The following CDK10 variants were observed in gnomAD, a reference collection of about 807,000 sequenced individuals.
CDK10 encodes cyclin dependent kinase 10.
In CDK10, 55 loss-of-function variants were observed where a neutral mutation model predicts 51.0. The observed-to-expected ratio is 1.08, with a 90% confidence interval of 0.87 to 1.35. The LOEUF is 1.35. CDK10 is among the 40% of genes most tolerant of loss of function. The probability of loss-of-function intolerance (pLI) is 0.00; values close to 1 mark genes in which losing one functional copy is unlikely to be tolerated. For missense variants in CDK10, 589 were observed against 485.1 expected, an observed-to-expected ratio of 1.21 and a Z score of -2.01; for synonymous variants, 255 against 199.1, an observed-to-expected ratio of 1.28 and a Z score of -2.36.
chr16:89,689,388 G>C, intron 2 of CDK10, 64 bp downstream of exon 2: 1 of 1,463,176 alleles, frequency 6.8e-7, no homozygotes, highest in Non-Finnish European at 9.6e-7. Flanking sequence ...GGACGAGACT[G>C]TCGAAGCAGC....
intron 2 of CDK10, 124 bp from the exon 3 acceptor site, chr16:89,690,429 G>A: frequency 1.3e-6 from 1 of 771,956 alleles, no homozygotes; most frequent in African/African-American, 1.7e-5. Context: ...GAGTGTCACT[G>A]GGCATGAGGT....
chr16:89,691,707 AGGTTG>A (rs1803338358), intron 4 of CDK10, 94 bp from the exon 5 acceptor site: 18 of 1,312,004 alleles, frequency 1.4e-5, no homozygotes, highest in Non-Finnish European at 2.0e-5. Context: ...AGGGGGACAC[AGGTTG>A]TCCTGCCCAT....
chr16:89,688,230 C>T (rs1316255687), intron 1 of CDK10, among the ~76,000 whole-genome samples: 1 of 151,924 alleles, frequency 6.6e-6, no homozygotes, highest in Non-Finnish European at 1.5e-5. Context: ...TACAGGCGCC[C>T]GCCACCACGC....
chr16:89,687,945 C>A, intron 1 of CDK10: 1 of 253,750 alleles, frequency 3.9e-6, no homozygotes, highest in East Asian at 1.1e-4. Context: ...CGGCCAGTGG[C>A]TCACACCTGT....
In CDK10 at chr16:89,694,590, A is replaced by C; in HGVS notation, c.669-75A>C. Reference sequence around the variant, plus strand: ...GCAGGGTCAGCAAAGGTCTGGCTGCAGTCAGGTCCTCTGTTCCTCGCGCTG... The same window carrying C: ...GCAGGGTCAGCAAAGGTCTGGCTGCCGTCAGGTCCTCTGTTCCTCGCGCTG... On this transcript the variant is annotated intron_variant, in intron 9 of 12. Transcript: ENST00000353379. The C allele has an allele frequency of 1.9e-6, 3 of 1,543,516 alleles. No homozygotes were observed. The South Asian group carries it at 3.6e-5, about 18-fold the overall frequency.
At chr16:89,693,607 C>G (rs1567521318) in intron 8 of CDK10, 140 bp downstream of exon 8, 1 of 796,320 alleles carries the variant, frequency 1.3e-6, no homozygotes, top group Non-Finnish European at 2.0e-6. Flanking sequence ...AACGTTGGGT[C>G]TAGGACAGCC....
intron 1 of CDK10, chr16:89,687,241 AC>A (rs1453766466): frequency 3.0e-6 from 1 of 330,178 alleles, no homozygotes; most frequent in Non-Finnish European, 6.1e-6. Flanking sequence ...TGGCGGCTTC[AC>A]GCGAACCCTG....
rs1336642422 is a variant in CDK10 at position 89,691,664 on chromosome 16, C to T, written c.335+119C>T. ...ATGAGGTTGTCAGAGAAGAGATGAC[C>T]CCACCTCACCGCCTGGCTCAGCCCA... On this transcript the variant is annotated intron_variant, in intron 4 of 12. Transcript: ENST00000353379. 6.7e-6 allele frequency: 8 copies of T among 1,192,344 alleles called. 1 individual carries two copies. Among genetic ancestry groups the T allele is most frequent in the Non-Finnish European group, 9.9e-6 (8 of 812,102 alleles). The allele number at this position is 1,192,344 out of a possible 1,614,324, so 73.9% of individuals were successfully genotyped here.
chr16:89,688,687 C>T (rs1368302057), intron 1 of CDK10, among the ~76,000 whole-genome samples: 1 of 152,200 alleles, frequency 6.6e-6, no homozygotes, highest in Non-Finnish European at 1.5e-5. Flanking sequence ...GATGCTGGGA[C>T]AGCAGCCTCT....
rs1225850971 is a variant in CDK10, at chr16:89,693,742, T to C, written c.608+275T>C. The C allele has an allele frequency of 5.3e-6, 3 of 566,808 alleles. No individual in the cohort carries two copies. The East Asian group carries it at 8.9e-5, about 17-fold the overall frequency. 35.1% of individuals were successfully genotyped at this position (566,808 alleles called of 1,614,324 possible). A position where few individuals can be genotyped will look rare whatever the true frequency, so the allele number is the denominator to read the frequency against. On this transcript the variant is annotated intron_variant, in intron 8 of 12. Transcript: ENST00000353379. ...AACACCGTGGCCGTGAAACCATCTC[T>C]GGAGGGAAGGCTGCTTCACGGACTG...
At position 89,692,832 on chromosome 16, in the gene CDK10, A is replaced by G. The variant is rs114999605; in HGVS notation, c.485+316A>G. On this transcript the variant is annotated intron_variant, in intron 6 of 12. Transcript: ENST00000353379. ...CATCAACAGCATGTAAGAGTTAATG[A>G]AAAAAAAAATAATAAAGATACTACG... is the stretch of plus-strand genomic sequence containing the variant. The G allele has an allele frequency of 1.7e-5, 4 of 235,048 alleles. No homozygotes were observed. In the South Asian group the frequency reaches 3.7e-4, roughly 22 times the overall value. The allele number at this position is 235,048 out of a possible 1,614,324, so 14.6% of individuals were successfully genotyped here.
intron 1 of CDK10, among the ~76,000 whole-genome samples, chr16:89,688,597 A>T (rs2060306053): frequency 6.6e-6 from 1 of 152,164 alleles, no homozygotes; most frequent in African/African-American, 2.4e-5. Context: ...CCTGGAAGTC[A>T]CACGGTCCCT....
chr16:89,690,772 C>G, intron 3 of CDK10, 148 bp downstream of exon 3: 2 of 714,692 alleles, frequency 2.8e-6, no homozygotes, highest in South Asian at 1.6e-5. Flanking sequence ...CACATCACCC[C>G]CAGGTCCACA....
Position 89,693,384 on chromosome 16 carries a change from CCT to C in CDK10, c.539-9_539-8del, listed in dbSNP as rs762886100. 2.4e-5 allele frequency: 38 copies of C among 1,614,058 alleles called. No individual in the cohort carries two copies. The highest frequency in any genetic ancestry group is 3.1e-5 in the Non-Finnish European group (37 of 1,180,034). On this transcript the variant is annotated splice_polypyrimidine_tract_variant and intron_variant, in intron 7 of 12. Coordinates refer to ENST00000353379, the MANE Select transcript of CDK10 (RefSeq NM_052988.5). ...GATGGCACTTGGTGACACACACTCC[CCT>C]CTCTGCTGCAGCGGATTTCGGCCTG... is the stretch of plus-strand genomic sequence containing the variant.
intron 3 of CDK10, 38 bp from the exon 4 acceptor site, chr16:89,691,405 A>C (rs1409927808): frequency 6.7e-7 from 1 of 1,502,306 alleles, no homozygotes; most frequent in Admixed American, 1.8e-5. Flanking sequence ...CCCCGCCATC[A>C]CTGGGGTGGG....
In CDK10 at chr16:89,691,878, G is replaced by A. The variant is rs773645293; in HGVS notation, c.408G>A (p.Ser136=). The A allele has an allele frequency of 8.7e-6, 14 of 1,613,918 alleles. No individual in the cohort carries two copies. Among genetic ancestry groups the A allele is most frequent in the African/African-American group, 8.0e-5 (6 of 74,920 alleles). The change falls in exon 5 of 13, where the codon TCG becomes TCA. Residue 136 remains serine, a synonymous_variant. Transcript: ENST00000353379. The stretch of plus-strand genomic sequence containing the variant: ...TGGAGAATATGCCAACACCCTTCTC[G>A]GAGGCTCAGGTGCGTGGCAGAGGGG... ...SLLENMPTPF[S]EAQVKCIVLQ... is the part of the protein sequence containing the mutation.
At chr16:89,694,000 C>T in intron 8 of CDK10, 173 bp from the exon 9 acceptor site, 1 of 664,510 alleles carries the variant, frequency 1.5e-6, no homozygotes, top group Non-Finnish European at 2.7e-6. Context: ...GCTCTCGCCC[C>T]CGGCAACCAT....
In CDK10 at chr16:89,693,469, T is replaced by G; in HGVS notation, c.608+2T>G. ...GACCCCCAAGGTGGTCACTCTCTGG[T>G]AAGTCCTTCTGAAGCATGGTGGCCC... On this transcript the variant is annotated splice_donor_variant, in intron 8 of 12. Transcript: ENST00000353379. LOFTEE classifies it high-confidence loss of function. The G allele has an allele frequency of 6.2e-7, 1 of 1,614,022 alleles. No homozygotes were observed. Among genetic ancestry groups the G allele is most frequent in the Non-Finnish European group, 8.5e-7 (1 of 1,179,996 alleles).
At chr16:89,691,382 G>C (rs538408587) in intron 3 of CDK10, 61 bp from the exon 4 acceptor site, 1 of 1,278,978 alleles carries the variant, frequency 7.8e-7, no homozygotes, top group Admixed American at 2.1e-5. Flanking sequence ...AAGAGTGGCT[G>C]GGGTTGGGGC....
Sources: gnomAD v4.1 joint callset for allele counts (sites outside exome capture counted in the v4.1 genomes callset) on GRCh38, gnomAD v4.1.1 for gene constraint, MANE v1.5 for transcripts, NCBI Gene and HGNC (gene_info 2026-07-23, HGNC 2026-07-21) for gene names.